Variants in NBEA observed in about 807,000 individuals in gnomAD.
NBEA encodes the protein neurobeachin, also known as lysosomal-trafficking regulator 2.
A neutral mutation model predicts 343.4 loss-of-function variants in NBEA; 44 were observed. The observed-to-expected ratio is 0.13, with a 90% confidence interval of 0.10 to 0.16. NBEA has a LOEUF of 0.16. NBEA is among the 10% of genes least tolerant of loss of function. NBEA has a pLI of 1.00. For missense variants in NBEA, 2,555 were observed against 3,631.3 expected (o/e 0.70, Z 7.62); for synonymous variants, 1,175 against 1,238.7 (o/e 0.95, Z 1.08).
At chr13:35,010,769 T>TATATACACACATATAC (rs1172952662) in intron 1 of NBEA, among the ~76,000 whole-genome samples, 3 of 102,598 alleles carry the variant, frequency 2.9e-5, no homozygotes, top group African/African-American at 1.2e-4. Context: ...TATATATATA[T>TATATACACACATATAC]ATATATATAT....
chr13:35,054,768 C>G (rs1228608266), intron 6 of NBEA, among the ~76,000 whole-genome samples: 1 of 151,518 alleles, frequency 6.6e-6, no homozygotes, highest in Non-Finnish European at 1.5e-5. Flanking sequence ...CTCAGCCTCC[C>G]TGGTAGCTGG....
At chr13:35,023,350 A>T (rs562119587) in intron 1 of NBEA, among the ~76,000 whole-genome samples, 1 of 152,316 alleles carries the variant, frequency 6.6e-6, no homozygotes, top group African/African-American at 2.4e-5. Context: ...TAAGGAGATG[A>T]GAAATTATAC....
chr13:35,267,949 C>T (rs1051102715), intron 34 of NBEA, among the ~76,000 whole-genome samples: 1 of 151,806 alleles, frequency 6.6e-6, no homozygotes, highest in Non-Finnish European at 1.5e-5. Context: ...CCAGTGTGGT[C>T]GTTCCTAAAA....
chr13:35,654,740 T>C (rs2084728003), intron 53 of NBEA, 115 bp from the exon 54 acceptor site: 5 of 779,252 alleles, frequency 6.4e-6, no homozygotes, highest in Non-Finnish European at 7.8e-6. Flanking sequence ...TCTCATACCA[T>C]TAAAAAAACT....
intron 36 of NBEA, among the ~76,000 whole-genome samples, chr13:35,343,541 T>G (rs1485380896): frequency 6.6e-6 from 1 of 152,116 alleles, no homozygotes; most frequent in Non-Finnish European, 1.5e-5. Flanking sequence ...GTCCTTGGCC[T>G]GTTAGGAACC....
chr13:35,085,263 T>G (rs550530771), intron 10 of NBEA, among the ~76,000 whole-genome samples: 12 of 152,032 alleles, frequency 7.9e-5, no homozygotes, highest in African/African-American at 1.2e-4. Flanking sequence ...TACCAAAGCC[T>G]GGCAGAGACA....
chr13:35,401,921 G>T, intron 38 of NBEA, among the ~76,000 whole-genome samples: 1 of 151,968 alleles, frequency 6.6e-6, no homozygotes, highest in East Asian at 1.9e-4. Flanking sequence ...AGGAAATAAT[G>T]AAATTGATTA....
At chr13:35,052,415 A>T (rs2063096250) in intron 6 of NBEA, among the ~76,000 whole-genome samples, 1 of 152,012 alleles carries the variant, frequency 6.6e-6, no homozygotes, top group African/African-American at 2.4e-5. Context: ...GCTACTATTG[A>T]TATCATGCTG....
intron 40 of NBEA, among the ~76,000 whole-genome samples, chr13:35,463,888 C>T (rs1421775652): frequency 4.0e-5 from 6 of 151,836 alleles, no homozygotes; most frequent in Non-Finnish European, 1.5e-5. Flanking sequence ...GGGTAACTAC[C>T]TCAAACAAGA....
At chr13:35,514,253 G>A (rs1378275503) in intron 41 of NBEA, among the ~76,000 whole-genome samples, 1 of 152,192 alleles carries the variant, frequency 6.6e-6, no homozygotes, top group African/African-American at 2.4e-5. Context: ...CTCATTTGCT[G>A]ATGTGAAATG....
At chr13:35,644,995 A>G (rs2084153440) in intron 49 of NBEA, among the ~76,000 whole-genome samples, 1 of 152,262 alleles carries the variant, frequency 6.6e-6, no homozygotes, top group Non-Finnish European at 1.5e-5. Flanking sequence ...CGATGGCTAA[A>G]ATATGGCAGA....
chr13:35,568,888 C>T (rs1420879714), intron 45 of NBEA, among the ~76,000 whole-genome samples: 1 of 152,210 alleles, frequency 6.6e-6, no homozygotes, highest in Non-Finnish European at 1.5e-5. Flanking sequence ...AGACTGCCTA[C>T]ATTCAAATCC....
In NBEA at chr13:35,671,994, G is replaced by A. The variant is rs1593535313; in HGVS notation, c.*1003G>A. ...TTCTCTTTGGTTCTTGAATAGCTTA[G>A]TTTCTTTAATAACAAGTCAAACTTT... On this transcript the variant is annotated 3_prime_UTR_variant, in exon 59 of 59. Transcript: ENST00000379939. 1 of 152,340 alleles carries A rather than the reference G, an allele frequency of 6.6e-6. No homozygotes were observed. Among genetic ancestry groups the A allele is most frequent in the East Asian group, 1.9e-4 (1 of 5,186 alleles). 9.4% of individuals were successfully genotyped at this position (152,340 alleles called of 1,614,324 possible). A position where few individuals can be genotyped will look rare whatever the true frequency, so the allele number is the denominator to read the frequency against.
At chr13:34,970,113 A>G (rs2059953472) in intron 1 of NBEA, among the ~76,000 whole-genome samples, 1 of 152,058 alleles carries the variant, frequency 6.6e-6, no homozygotes. Context: ...ATTGTATCTC[A>G]TTGTGGTTTA....
rs183146199 is a variant in NBEA at position 34,985,065 on chromosome 13, A to C, written c.294+41951A>C. On this transcript the variant is annotated intron_variant, in intron 1 of 58. Coordinates refer to ENST00000379939, the MANE Select transcript of NBEA (RefSeq NM_001385012.1). ...TGCCTGATTGCCCTGGCCAGAACTTACAACACTATGTTGAATAGGAGTGGT... is the reference window on the plus strand; with the variant it reads ...TGCCTGATTGCCCTGGCCAGAACTTCCAACACTATGTTGAATAGGAGTGGT... 7.0e-3 allele frequency among the ~76,000 whole-genome samples: 1,057 copies of C among 150,948 alleles called. 65 individuals are homozygous for C. Among genetic ancestry groups the C allele is most frequent in the Non-Finnish European group, 0.01 (694 of 67,356 alleles).
intron 38 of NBEA, among the ~76,000 whole-genome samples, chr13:35,381,177 A>C (rs1217795864): frequency 6.6e-6 from 1 of 152,120 alleles, no homozygotes; most frequent in Non-Finnish European, 1.5e-5. Flanking sequence ...ACCCTCTGGC[A>C]ATGTTTTTGG....
At chr13:35,024,754 C>T (rs963760845) in intron 1 of NBEA, among the ~76,000 whole-genome samples, 1 of 152,164 alleles carries the variant, frequency 6.6e-6, no homozygotes, top group Non-Finnish European at 1.5e-5. Context: ...AATCTCCAAA[C>T]TGCTTTCCAC....
chr13:35,058,667 CT>C, intron 7 of NBEA, 49 bp from the exon 8 acceptor site: 1 of 1,456,150 alleles, frequency 6.9e-7, no homozygotes, highest in Non-Finnish European at 9.4e-7. Context: ...GGATTTAAAC[CT>C]TTTTGTCATT....
chr13:35,071,826 T>C (rs899190427), intron 10 of NBEA, among the ~76,000 whole-genome samples: 17 of 152,262 alleles, frequency 1.1e-4, no homozygotes, highest in African/African-American at 4.1e-4. Flanking sequence ...AATAATATTA[T>C]TTCTGTTTTG....
Sources: allele counts gnomAD v4.1 joint callset (sites outside exome capture counted in the v4.1 genomes callset), GRCh38; gene constraint gnomAD v4.1.1; transcripts MANE v1.5; gene names NCBI Gene and HGNC (gene_info 2026-07-23, HGNC 2026-07-21).